Variants in FGD6 observed in about 807,000 individuals in gnomAD.
FGD6 encodes FYVE, RhoGEF and PH domain-containing protein 6.
FGD6 carries 90 observed loss-of-function variants against 149.4 expected under a neutral mutation model. That is an observed-to-expected ratio of 0.60 (90% CI 0.51 to 0.72). The LOEUF (loss-of-function observed/expected upper bound fraction) is 0.72. FGD6 is among the 30% of genes least tolerant of loss of function. The probability of loss-of-function intolerance (pLI) is 0.00; values close to 1 mark genes in which losing one functional copy is unlikely to be tolerated. For missense variants in FGD6, 1,437 were observed against 1,684.8 expected (o/e 0.85, Z 2.57); for synonymous variants, 527 against 584.0 (o/e 0.90, Z 1.41).
intron 8 of FGD6, among the ~76,000 whole-genome samples, chr12:95,118,611 T>C (rs1004798403): frequency 9.9e-5 from 15 of 152,124 alleles, no homozygotes; most frequent in African/African-American, 3.6e-4. Context: ...CACTGAGAAA[T>C]GTTTGGCAGC....
intron 3 of FGD6, among the ~76,000 whole-genome samples, chr12:95,164,910 G>A (rs558431526): frequency 1.3e-5 from 2 of 152,034 alleles, no homozygotes; most frequent in African/African-American, 2.4e-5. Context: ...TTAGGTTTTC[G>A]CCCTTTCTTT....
At chr12:95,163,985 G>T (rs1173480049) in intron 3 of FGD6, among the ~76,000 whole-genome samples, 1 of 152,144 alleles carries the variant, frequency 6.6e-6, no homozygotes, top group Non-Finnish European at 1.5e-5. Flanking sequence ...CACACCCCAT[G>T]GCATCTCAAC....
At chr12:95,164,267 A>C (rs1286718668) in intron 3 of FGD6, among the ~76,000 whole-genome samples, 2 of 132,578 alleles carry the variant, frequency 1.5e-5, no homozygotes, top group African/African-American at 5.7e-5. Context: ...TTTGAGACGG[A>C]GTCTCGCTCT....
At chr12:95,167,228 C>T (rs1217298996) in intron 3 of FGD6, among the ~76,000 whole-genome samples, 1 of 152,118 alleles carries the variant, frequency 6.6e-6, no homozygotes, top group African/African-American at 2.4e-5. Flanking sequence ...TGGACATATG[C>T]TTTCATATCT....
chr12:95,173,010 T>G (rs12307639), intron 2 of FGD6, among the ~76,000 whole-genome samples: 1,641 of 152,296 alleles, frequency 0.011, 28 homozygotes, highest in African/African-American at 0.037. Flanking sequence ...TGCTTCTATA[T>G]ATCCCTCCCA....
intron 8 of FGD6, among the ~76,000 whole-genome samples, chr12:95,124,000 A>C (rs1592842187): frequency 6.7e-6 from 1 of 148,184 alleles, no homozygotes; most frequent in African/African-American, 2.5e-5. Context: ...ACCAACCTCG[A>C]CCTCCTGGAC....
intron 2 of FGD6, among the ~76,000 whole-genome samples, chr12:95,179,363 GGTAT>G (rs1375454271): frequency 6.6e-6 from 1 of 151,968 alleles, no homozygotes; most frequent in African/African-American, 2.4e-5. Context: ...ATTGCATGGT[GGTAT>G]GTGCCTGTGG....
intron 2 of FGD6, among the ~76,000 whole-genome samples, chr12:95,186,305 G>C (rs113838384): frequency 0.093 from 11,570 of 124,888 alleles, 556 homozygotes; most frequent in Admixed American, 0.14. Flanking sequence ...CTGGAGTGTA[G>C]TGGCACAATC....
At chr12:95,090,354 G>A (rs1878014699) in intron 17 of FGD6, among the ~76,000 whole-genome samples, 2 of 152,164 alleles carry the variant, frequency 1.3e-5, no homozygotes, top group South Asian at 2.1e-4. Context: ...TTTAGGCTGG[G>A]GAGTGACATG....
intron 3 of FGD6, among the ~76,000 whole-genome samples, chr12:95,172,206 T>A (rs1881013469): frequency 1.3e-5 from 2 of 152,198 alleles, no homozygotes; most frequent in Admixed American, 6.5e-5. Context: ...TGAAACCCCG[T>A]CTCTACTAAA....
chr12:95,170,337 T>G (rs539545900), intron 3 of FGD6, among the ~76,000 whole-genome samples: 1 of 152,104 alleles, frequency 6.6e-6, no homozygotes, highest in South Asian at 2.1e-4. Flanking sequence ...AGGTTCCTCT[T>G]ATCCTGTTAG....
intron 2 of FGD6, among the ~76,000 whole-genome samples, chr12:95,191,247 C>A (rs1881580533): frequency 6.6e-6 from 1 of 152,190 alleles, no homozygotes; most frequent in Non-Finnish European, 1.5e-5. Context: ...GTGCTTCTTG[C>A]ATAACCATCC....
intron 6 of FGD6, 96 bp from the exon 7 acceptor site, chr12:95,137,774 CTTTT>C (rs1217214293): frequency 1.3e-6 from 1 of 795,160 alleles, no homozygotes; most frequent in African/African-American, 1.8e-5. Flanking sequence ...GCCAACTTAT[CTTTT>C]TTTCTCTTCT....
intron 8 of FGD6, among the ~76,000 whole-genome samples, chr12:95,125,370 T>A (rs1019180218): frequency 2.6e-5 from 4 of 152,190 alleles, no homozygotes; most frequent in Non-Finnish European, 5.9e-5. Flanking sequence ...TAGTGGCTCA[T>A]GCCTATAATT....
rs1024553956 is a variant in FGD6 at position 95,145,641 on chromosome 12, C to G, written c.2686-4102G>C. 2.0e-5 allele frequency among the ~76,000 whole-genome samples: 3 copies of G among 152,098 alleles called. No homozygotes were observed. In the South Asian group the frequency reaches 6.2e-4, roughly 32 times the overall value. ...ATTTGGAGTTGAGCCCAATCTCTCTCCACTACTGCAAAATCCCATTGCAGT... is the reference window on the plus strand; with the variant it reads ...ATTTGGAGTTGAGCCCAATCTCTCTGCACTACTGCAAAATCCCATTGCAGT... On this transcript the variant is annotated intron_variant, in intron 5 of 20. Coordinates refer to ENST00000343958, the MANE Select transcript of FGD6 (RefSeq NM_018351.4).
At chr12:95,180,599 T>C (rs1349139501) in intron 2 of FGD6, among the ~76,000 whole-genome samples, 10 of 151,990 alleles carry the variant, frequency 6.6e-5, no homozygotes, top group Non-Finnish European at 1.5e-4. Flanking sequence ...GGTTTTGCCA[T>C]GTTGCCAAGG....
At chr12:95,185,756 G>A (rs1462342247) in intron 2 of FGD6, among the ~76,000 whole-genome samples, 1 of 152,100 alleles carries the variant, frequency 6.6e-6, no homozygotes, top group African/African-American at 2.4e-5. Flanking sequence ...GGCTACTCAG[G>A]AGGCTGAGGC....
intron 3 of FGD6, among the ~76,000 whole-genome samples, chr12:95,171,257 G>A (rs1880979625): frequency 6.6e-6 from 1 of 152,084 alleles, no homozygotes; most frequent in Non-Finnish European, 1.5e-5. Context: ...TTTAAACAGG[G>A]CAAAAATATT....
intron 18 of FGD6, among the ~76,000 whole-genome samples, chr12:95,087,236 G>A (rs1036567177): frequency 6.6e-5 from 10 of 152,126 alleles, no homozygotes; most frequent in Non-Finnish European, 1.2e-4. Flanking sequence ...GCAGGCACAC[G>A]CTTAAGGTGG....
Sources: gnomAD v4.1 joint callset for allele counts (sites outside exome capture counted in the v4.1 genomes callset) on GRCh38, gnomAD v4.1.1 for gene constraint, MANE v1.5 for transcripts, NCBI Gene and HGNC (gene_info 2026-07-23, HGNC 2026-07-21) for gene names.